The following TTC34 variants were observed in gnomAD, a reference collection of about 807,000 sequenced individuals.
TTC34 encodes the protein tetratricopeptide repeat domain 34.
In TTC34, 44 loss-of-function variants were observed where a neutral mutation model predicts 40.7. The ratio of observed to expected loss-of-function variants is 1.08; its 90% CI spans 0.85 to 1.39. The LOEUF (loss-of-function observed/expected upper bound fraction) is 1.39. TTC34 is among the 40% of genes most tolerant of loss of function. The pLI is 0.00. For synonymous variants in TTC34, 422 were observed against 398.6 expected (o/e 1.06, Z -0.70); for missense variants, 884 against 838.0 (o/e 1.05, Z -0.68).
At chr1:2,750,159 AACAC>A (rs1641268155) in intron 6 of TTC34, among the ~76,000 whole-genome samples, 1 of 81,354 alleles carries the variant, frequency 1.2e-5, no homozygotes, top group Admixed American at 1.3e-4. Flanking sequence ...GAGCAGAACA[AACAC>A]CCCCAGGCGA....
chr1:2,767,790 TG>T (rs1037626277), intron 6 of TTC34, among the ~76,000 whole-genome samples: 1 of 146,062 alleles, frequency 6.8e-6, no homozygotes, highest in African/African-American at 2.5e-5. Context: ...TCTGACAGCC[TG>T]GGGCAGCACC....
exon 9 of TTC34, chr1:2,638,634 C>G (rs1448295002): frequency 6.6e-6 from 1 of 152,334 alleles, no homozygotes; most frequent in Non-Finnish European, 1.5e-5. Context: ...CCTGGAGCGT[C>G]AGGACCCAGA....
intron 2 of TTC34, among the ~76,000 whole-genome samples, chr1:2,793,968 C>T (rs1022518732): frequency 2.1e-5 from 3 of 139,914 alleles, no homozygotes; most frequent in Admixed American, 7.9e-5. Context: ...CCTTCTTCTT[C>T]TGTGGACAGT....
chr1:2,768,289 T>A (rs926445941), intron 6 of TTC34, among the ~76,000 whole-genome samples: 1 of 152,120 alleles, frequency 6.6e-6, no homozygotes, highest in African/African-American at 2.4e-5. Flanking sequence ...GGTGCCATTG[T>A]AGGTTTTTGG....
chr1:2,650,904 C>T (rs1464030014), intron 6 of TTC34, among the ~76,000 whole-genome samples: 7 of 151,480 alleles, frequency 4.6e-5, no homozygotes, highest in Admixed American at 4.6e-4. Flanking sequence ...ACAGCACCCA[C>T]ACCCCCAGGT....
rs547576863 is a variant in TTC34, at chr1:2,694,047, A to C, written c.2227-48484T>G. Among the ~76,000 whole-genome samples the C allele has an allele frequency of 6.3e-4, 75 of 118,214 alleles. 7 individuals are homozygous for C. The highest frequency in any genetic ancestry group is 1.8e-3 in the African/African-American group (61 of 33,410). 77.6% of individuals were successfully genotyped at this position (118,214 alleles called of 152,430 possible). On this transcript the variant is annotated intron_variant, in intron 6 of 8. Coordinates refer to ENST00000401095, the Ensembl canonical transcript of TTC34. ...CCACACCCCCAGGCGAGCATCTCAC[A>C]GCACGTAACAGCACCCACACACCCA...
chr1:2,687,320 CCAA>C (rs1273147347), intron 6 of TTC34, among the ~76,000 whole-genome samples: 2 of 125,636 alleles, frequency 1.6e-5, no homozygotes, highest in Admixed American at 8.1e-5. Context: ...GAACAGCACC[CCAA>C]ACCCACAGGT....
At chr1:2,752,591 C>A (rs1263323394) in intron 6 of TTC34, among the ~76,000 whole-genome samples, 1 of 48,206 alleles carries the variant, frequency 2.1e-5, no homozygotes, top group Non-Finnish European at 3.5e-5. Context: ...GAGAATCTGA[C>A]AACCTGGAAC....
At chr1:2,684,677 G>T (rs6683769) in intron 6 of TTC34, among the ~76,000 whole-genome samples, 1 of 91,766 alleles carries the variant, frequency 1.1e-5, no homozygotes, top group African/African-American at 5.9e-5. Flanking sequence ...GCACCCACAC[G>T]CCCAGGTGAG....
intron 6 of TTC34, among the ~76,000 whole-genome samples, chr1:2,693,138 ACCC>A (rs1640703495): frequency 1.3e-5 from 1 of 74,698 alleles, no homozygotes; most frequent in African/African-American, 4.9e-5. Context: ...CTGGAGCAGA[ACCC>A]ACACCCCCAG....
chr1:2,799,429 G>C (rs150711166), intron 2 of TTC34, among the ~76,000 whole-genome samples: 2,135 of 152,216 alleles, frequency 0.014, 23 homozygotes, highest in Admixed American at 0.024. Flanking sequence ...TGTAATCCCA[G>C]TTACTCGGGA....
intron 6 of TTC34, among the ~76,000 whole-genome samples, chr1:2,659,788 C>A (rs1570770177): frequency 8.6e-6 from 1 of 115,680 alleles, no homozygotes; most frequent in African/African-American, 3.6e-5. Flanking sequence ...GCACCGACAA[C>A]AACAGGTGAG....
chr1:2,694,798 G>T, intron 6 of TTC34, among the ~76,000 whole-genome samples: 1 of 88,778 alleles, frequency 1.1e-5, no homozygotes, highest in Non-Finnish European at 2.7e-5. Context: ...ACACACCCAG[G>T]CGAGCATCTG....
At chr1:2,785,252 G>A (rs959721036) in intron 5 of TTC34, among the ~76,000 whole-genome samples, 1 of 151,878 alleles carries the variant, frequency 6.6e-6, no homozygotes, top group Non-Finnish European at 1.5e-5. Flanking sequence ...GCATGGCCGG[G>A]TTCCACGTGG....
intron 6 of TTC34, among the ~76,000 whole-genome samples, chr1:2,654,016 G>A (rs1179037782): frequency 7.8e-4 from 117 of 150,402 alleles, no homozygotes; most frequent in African/African-American, 2.8e-3. Context: ...ACACCCCCAG[G>A]CGAGCATCTG....
In TTC34 at chr1:2,761,120, C is replaced by A. The variant is rs1456794385; in HGVS notation, c.2226+22489G>T. On this transcript the variant is annotated intron_variant, in intron 6 of 8. Transcript: ENST00000401095. ...ATCGGACATCCTGGAGCATCACATA[C>A]TCCCCCAGGTGAGCATCCGACAGCC... 7.3e-5 allele frequency among the ~76,000 whole-genome samples: 4 copies of A among 54,526 alleles called. 2 individuals carry two copies. Among genetic ancestry groups the A allele is most frequent in the Admixed American group, 6.8e-4 (4 of 5,900 alleles). 35.8% of individuals were successfully genotyped at this position (54,526 alleles called of 152,430 possible). A position where few individuals can be genotyped will look rare whatever the true frequency, so the allele number is the denominator to read the frequency against.
At chr1:2,789,933 G>A in exon 3 of TTC34, 1 of 394,310 alleles carries the variant, frequency 2.5e-6, no homozygotes, top group Non-Finnish European at 4.5e-6. Flanking sequence ...GGGCGTGCGG[G>A]CCGCAGCAGG....
In TTC34 at chr1:2,684,956, AC is replaced by A. The variant is rs1640257677; in HGVS notation, c.2227-39394del. 4.4e-5 allele frequency among the ~76,000 whole-genome samples: 6 copies of A among 137,454 alleles called. No homozygotes were observed. In the South Asian group the frequency reaches 8.9e-4, roughly 20 times the overall value. The allele number at this position is 137,454 out of a possible 152,430, so 90.2% of individuals were successfully genotyped here. A position where few individuals can be genotyped will look rare whatever the true frequency, so the allele number is the denominator to read the frequency against. On this transcript the variant is annotated intron_variant, in intron 6 of 8. Coordinates refer to ENST00000401095, the Ensembl canonical transcript of TTC34. ...TCCGACAGCCTGGAGCACCACCCACACCCCCAGACGAGCATCTGACAGCTTA... is the reference window on the plus strand; with the variant it reads ...TCCGACAGCCTGGAGCACCACCCACACCCCAGACGAGCATCTGACAGCTTA...
chr1:2,749,642 A>AAC (rs1641253490), intron 6 of TTC34, among the ~76,000 whole-genome samples: 2 of 110,602 alleles, frequency 1.8e-5, no homozygotes, highest in African/African-American at 4.6e-5. Flanking sequence ...CAGCCCCCAC[A>AAC]CCCAGAGGTG....
Sources: allele counts gnomAD v4.1 joint callset (sites outside exome capture counted in the v4.1 genomes callset), GRCh38; gene constraint gnomAD v4.1.1; transcripts MANE v1.5; gene names NCBI Gene and HGNC (gene_info 2026-07-23, HGNC 2026-07-21).